The following SAMD4A variants were observed in gnomAD, a reference collection of about 807,000 sequenced individuals.
SAMD4A encodes the protein sterile alpha motif domain containing 4A.
SAMD4A carries 33 observed loss-of-function variants against 81.3 expected under a neutral mutation model. That is an observed-to-expected ratio of 0.41 (90% CI 0.31 to 0.54). SAMD4A has a LOEUF of 0.54. Among genes scored for constraint, SAMD4A ranks in the 20% least tolerant of loss-of-function variants. The pLI is 0.37. For missense variants in SAMD4A, 854 were observed against 951.1 expected (o/e 0.90, Z 1.34); for synonymous variants, 389 against 382.1 (o/e 1.02, Z -0.21).
At position 54,664,670 on chromosome 14, in the gene SAMD4A, G is replaced by T. The variant is rs545085850; in HGVS notation, c.197-37392G>T. Among the ~76,000 whole-genome samples, 43 of 150,204 alleles carry T rather than the reference G, an allele frequency of 2.9e-4. 1 individual carries two copies. Among genetic ancestry groups the T allele is most frequent in the African/African-American group, 1.0e-3 (41 of 40,830 alleles). On this transcript the variant is annotated intron_variant, in intron 2 of 12. Coordinates refer to ENST00000554335, the MANE Select transcript of SAMD4A (RefSeq NM_015589.6). ...TGTAGTTGAGTTCAAAGAACTTAAT[G>T]CTCCTATGATGTGACTCTGAAATAA...
chr14:54,631,157 A>G (rs1366355717), intron 2 of SAMD4A, among the ~76,000 whole-genome samples: 1 of 152,002 alleles, frequency 6.6e-6, no homozygotes, highest in Non-Finnish European at 1.5e-5. Context: ...AGCAGGAGGA[A>G]TTCTCCCTTA....
chr14:54,717,979 TTCTC>T (rs1204985525), intron 3 of SAMD4A, among the ~76,000 whole-genome samples: 2 of 151,746 alleles, frequency 1.3e-5, no homozygotes, highest in Non-Finnish European at 1.5e-5. Context: ...CTGTTGGTGA[TTCTC>T]TCTTTTTCTT....
chr14:54,736,906 T>C (rs947030314), intron 3 of SAMD4A, 118 bp from the exon 4 acceptor site: 49 of 1,181,898 alleles, frequency 4.1e-5, no homozygotes, highest in Non-Finnish European at 5.7e-5. Flanking sequence ...GCTGTGACCA[T>C]GGATGGAGTT....
intron 2 of SAMD4A, among the ~76,000 whole-genome samples, chr14:54,583,541 G>A: frequency 6.6e-6 from 1 of 152,168 alleles, no homozygotes; most frequent in Non-Finnish European, 1.5e-5. Flanking sequence ...CCTGTAGTTG[G>A]ATATGATCTC....
intron 2 of SAMD4A, among the ~76,000 whole-genome samples, chr14:54,685,275 C>CA (rs1491265844): frequency 1.4e-3 from 8 of 5,792 alleles, no homozygotes; most frequent in African/African-American, 1.5e-3. Context: ...ATTCTTCCTG[C>CA]CCCCCCCCCC....
In SAMD4A at chr14:54,624,862, T is replaced by C. The variant is rs1336956309; in HGVS notation, c.196+56750T>C. ...CACGGATATACAGTTTTTGTTGTTG[T>C]TGTTGTTTTTAAGTATCAGAAAAAT... On this transcript the variant is annotated intron_variant, in intron 2 of 12. Coordinates refer to ENST00000554335, the MANE Select transcript of SAMD4A (RefSeq NM_015589.6). 2.6e-5 allele frequency among the ~76,000 whole-genome samples: 4 copies of C among 152,216 alleles called. No individual in the cohort carries two copies. In the East Asian group the frequency reaches 7.7e-4, roughly 29 times the overall value.
At chr14:54,772,830 A>C (rs34851147) in intron 9 of SAMD4A, among the ~76,000 whole-genome samples, 14,124 of 151,018 alleles carry the variant, frequency 0.094, 917 homozygotes, top group African/African-American at 0.18. Flanking sequence ...AACAAACAAA[A>C]AAAAAAAACA....
chr14:54,570,747 TAAGAA>T (rs1566525813), intron 2 of SAMD4A, among the ~76,000 whole-genome samples: 1 of 152,236 alleles, frequency 6.6e-6, no homozygotes, highest in African/African-American at 2.4e-5. Flanking sequence ...ATACACTCTT[TAAGAA>T]GAGAAGGAAA....
chr14:54,738,767 G>A (rs149943373), intron 4 of SAMD4A, among the ~76,000 whole-genome samples: 11 of 152,242 alleles, frequency 7.2e-5, no homozygotes, highest in Non-Finnish European at 1.0e-4. Flanking sequence ...TCTGTCAATC[G>A]GCATCAAAAT....
At position 54,610,353 on chromosome 14, in the gene SAMD4A, G is replaced by A. The variant is rs563633731; in HGVS notation, c.196+42241G>A. 2.0e-4 allele frequency among the ~76,000 whole-genome samples: 30 copies of A among 152,282 alleles called. 1 individual carries two copies. In the South Asian group the frequency reaches 5.8e-3, roughly 29 times the overall value. ...AAGGAACAAAGTCATCTGTCGAAAA[G>A]CAACTCCAGGCCCCGGAGCTCACAG... On this transcript the variant is annotated intron_variant, in intron 2 of 12. Coordinates refer to ENST00000554335, the MANE Select transcript of SAMD4A (RefSeq NM_015589.6).
intron 2 of SAMD4A, among the ~76,000 whole-genome samples, chr14:54,667,750 C>T (rs1213811432): frequency 1.3e-5 from 2 of 152,234 alleles, no homozygotes; most frequent in Admixed American, 6.5e-5. Flanking sequence ...GCTTATCTCA[C>T]ACCCTTTACT....
chr14:54,617,855 T>C (rs1177570838), intron 2 of SAMD4A, among the ~76,000 whole-genome samples: 2 of 152,190 alleles, frequency 1.3e-5, no homozygotes, highest in African/African-American at 2.4e-5. Context: ...ATTTTAGCCG[T>C]GATATAAATT....
At chr14:54,765,686 G>A (rs1452748075) in intron 8 of SAMD4A, among the ~76,000 whole-genome samples, 1 of 152,100 alleles carries the variant, frequency 6.6e-6, no homozygotes, top group East Asian at 1.9e-4. Flanking sequence ...TGGGCAGCCA[G>A]TACTCCAGGA....
chr14:54,585,639 T>C (rs187948526), intron 2 of SAMD4A, among the ~76,000 whole-genome samples: 18 of 152,304 alleles, frequency 1.2e-4, no homozygotes, highest in Admixed American at 2.6e-4. Context: ...ATCATTCTTA[T>C]GTCTTTGCAT....
chr14:54,597,810 A>C (rs748144384), intron 2 of SAMD4A, among the ~76,000 whole-genome samples: 9 of 151,126 alleles, frequency 6.0e-5, no homozygotes, highest in Non-Finnish European at 1.2e-4. Context: ...CAGGTCTCGA[A>C]CTCCTGGGCT....
intron 7 of SAMD4A, among the ~76,000 whole-genome samples, chr14:54,762,791 G>A (rs2038436350): frequency 6.6e-6 from 1 of 152,006 alleles, no homozygotes; most frequent in South Asian, 2.1e-4. Flanking sequence ...CCCAGGGATA[G>A]TCACTATTAA....
upstream of SAMD4A, among the ~76,000 whole-genome samples, chr14:54,566,861 T>G (rs573000247): frequency 7.1e-3 from 1,075 of 152,122 alleles, 6 homozygotes; most frequent in Non-Finnish European, 0.011. Context: ...GCCGGGGCTC[T>G]GGGTTGCGCC....
chr14:54,717,029 G>A (rs1384922716), intron 3 of SAMD4A, among the ~76,000 whole-genome samples: 2 of 152,196 alleles, frequency 1.3e-5, no homozygotes, highest in Non-Finnish European at 2.9e-5. Context: ...TCCAATGCAT[G>A]TGTTGGGAGA....
chr14:54,786,245 C>A (rs901730738), intron 12 of SAMD4A, among the ~76,000 whole-genome samples: 2 of 152,130 alleles, frequency 1.3e-5, no homozygotes, highest in African/African-American at 4.8e-5. Flanking sequence ...GCATAAAGGA[C>A]CACAGAGCGT....
Sources: allele counts gnomAD v4.1 joint callset (sites outside exome capture counted in the v4.1 genomes callset), GRCh38; gene constraint gnomAD v4.1.1; transcripts MANE v1.5; gene names NCBI Gene and HGNC (gene_info 2026-07-23, HGNC 2026-07-21).